Variants in HNF4G observed in about 807,000 individuals in gnomAD.
HNF4G encodes the protein hepatocyte nuclear factor 4 gamma.
A neutral mutation model predicts 50.9 loss-of-function variants in HNF4G; 21 were observed. The ratio of observed to expected loss-of-function variants is 0.41; its 90% CI spans 0.29 to 0.59. The LOEUF (loss-of-function observed/expected upper bound fraction) is 0.59. Among genes scored for constraint, HNF4G ranks in the 20% least tolerant of loss-of-function variants. The pLI, the probability that HNF4G is intolerant of heterozygous loss-of-function variation, is 0.26. For synonymous variants in HNF4G, 198 were observed against 185.6 expected (o/e 1.07, Z -0.54); for missense variants, 527 against 559.4 (o/e 0.94, Z 0.58).
In HNF4G at chr8:75,558,558, G is replaced by C. The variant is rs148814443; in HGVS notation, c.774G>C (p.Glu258Asp). The C allele has an allele frequency of 6.2e-7, 1 of 1,613,756 alleles. No homozygotes were observed. The highest frequency in any genetic ancestry group is 1.3e-5 in the African/African-American group (1 of 74,924). Residue 258 changes from glutamate (E) to aspartate (D), a missense_variant, in exon 7 of 10, where the codon GAG (glutamate) becomes GAC (aspartate). Glu to Asp is a conservative substitution (Grantham distance 45). Coordinates refer to ENST00000396423, the MANE Select transcript of HNF4G (RefSeq NM_004133.5). ...YVIHRNSCEV[E>D]ISRVANRVLD... ...TTCACCGCAACAGCTGTGAAGTTGAGATTAGCCGTGTGGCCAATCGTGTTC... is the reference window on the plus strand; with the variant it reads ...TTCACCGCAACAGCTGTGAAGTTGACATTAGCCGTGTGGCCAATCGTGTTC...
intron 1 of HNF4G, among the ~76,000 whole-genome samples, chr8:75,410,366 T>C (rs1162804657): frequency 1.3e-5 from 2 of 152,154 alleles, no homozygotes; most frequent in Non-Finnish European, 2.9e-5. Context: ...TGTTGAAAAA[T>C]TGATTCCTCA....
chr8:75,464,890 G>C (rs912490815), intron 1 of HNF4G, among the ~76,000 whole-genome samples: 1 of 152,164 alleles, frequency 6.6e-6, no homozygotes, highest in South Asian at 2.1e-4. Context: ...CACTAATGAA[G>C]TCCAAATAGG....
At chr8:75,520,954 T>C (rs1401781983) in intron 2 of HNF4G, among the ~76,000 whole-genome samples, 1 of 152,016 alleles carries the variant, frequency 6.6e-6, no homozygotes, top group Non-Finnish European at 1.5e-5. Flanking sequence ...GTATCTTTAA[T>C]TATTGTGTGA....
chr8:75,529,307 G>C (rs1021500690), intron 2 of HNF4G, among the ~76,000 whole-genome samples: 1 of 151,558 alleles, frequency 6.6e-6, no homozygotes, highest in African/African-American at 2.4e-5. Flanking sequence ...AAAAACCTCA[G>C]ATCTCGTGAG....
intron 2 of HNF4G, among the ~76,000 whole-genome samples, chr8:75,506,997 T>C (rs1247926824): frequency 2.0e-5 from 3 of 152,196 alleles, no homozygotes; most frequent in Admixed American, 6.5e-5. Flanking sequence ...AAAAATGTTA[T>C]AGGTTTACGA....
chr8:75,445,813 A>G (rs1360804621), intron 1 of HNF4G, among the ~76,000 whole-genome samples: 1 of 143,668 alleles, frequency 7.0e-6, no homozygotes, highest in Non-Finnish European at 1.5e-5. Flanking sequence ...AAAAGAGTTC[A>G]GGACCAGATG....
chr8:75,544,649 GGT>G (rs2130790155), intron 2 of HNF4G, among the ~76,000 whole-genome samples: 1 of 93,266 alleles, frequency 1.1e-5, no homozygotes, highest in African/African-American at 6.2e-5. Context: ...TGTTTTCTTG[GGT>G]TTTTTTTTTT....
chr8:75,442,744 T>C (rs1262528378), intron 1 of HNF4G, among the ~76,000 whole-genome samples: 1 of 152,238 alleles, frequency 6.6e-6, no homozygotes, highest in Non-Finnish European at 1.5e-5. Flanking sequence ...GGATCATTAT[T>C]TTATATTGAG....
chr8:75,560,725 C>A (rs1807286965), intron 9 of HNF4G, among the ~76,000 whole-genome samples: 1 of 152,088 alleles, frequency 6.6e-6, no homozygotes, highest in African/African-American at 2.4e-5. Context: ...ACAAGTAGTC[C>A]TTGCTTTGCA....
At chr8:75,533,947 G>A (rs901493200) in intron 2 of HNF4G, among the ~76,000 whole-genome samples, 3 of 151,838 alleles carry the variant, frequency 2.0e-5, no homozygotes, top group Admixed American at 1.3e-4. Flanking sequence ...AGATGCTAAA[G>A]TGTATGTTCA....
At chr8:75,429,079 G>C (rs1810949425) in intron 1 of HNF4G, among the ~76,000 whole-genome samples, 1 of 152,142 alleles carries the variant, frequency 6.6e-6, no homozygotes, top group South Asian at 2.1e-4. Flanking sequence ...TTTAGAAATG[G>C]CAAGTGTGCG....
intron 1 of HNF4G, among the ~76,000 whole-genome samples, chr8:75,460,694 A>G (rs1811820253): frequency 6.6e-6 from 1 of 152,204 alleles, no homozygotes; most frequent in Non-Finnish European, 1.5e-5. Flanking sequence ...AACTACACTC[A>G]TAAATTTATA....
intron 1 of HNF4G, among the ~76,000 whole-genome samples, chr8:75,452,674 G>C (rs953137805): frequency 1.1e-4 from 16 of 145,480 alleles, no homozygotes; most frequent in African/African-American, 4.0e-4. Flanking sequence ...AGACGAGATC[G>C]TGCCACTGCA....
At chr8:75,443,589 G>A (rs1372969845) in intron 1 of HNF4G, among the ~76,000 whole-genome samples, 1 of 152,068 alleles carries the variant, frequency 6.6e-6, no homozygotes, top group Non-Finnish European at 1.5e-5. Flanking sequence ...TTGAACTCCT[G>A]GGCTCAAATA....
At chr8:75,439,220 A>G (rs1811213353) in intron 1 of HNF4G, among the ~76,000 whole-genome samples, 1 of 152,072 alleles carries the variant, frequency 6.6e-6, no homozygotes, top group Non-Finnish European at 1.5e-5. Flanking sequence ...TAACTTTTAT[A>G]CAAAATTAAC....
rs1812728369 is a variant in HNF4G, at chr8:75,494,866, G to A, written c.-24+4658G>A. Among the ~76,000 whole-genome samples, 3 of 151,934 alleles carry A rather than the reference G, an allele frequency of 2.0e-5. No homozygotes were observed. The East Asian group carries it at 5.8e-4, about 29-fold the overall frequency. ...CAATAAACATCTCTACTTTAAAAAGGTAACAAAAACAGTGTTTATTTAAAT... is the reference window on the plus strand; with the variant it reads ...CAATAAACATCTCTACTTTAAAAAGATAACAAAAACAGTGTTTATTTAAAT... On this transcript the variant is annotated intron_variant, in intron 2 of 10. Coordinates refer to the HNF4G transcript ENST00000354370.
intron 2 of HNF4G, among the ~76,000 whole-genome samples, chr8:75,492,659 C>G (rs1012632805): frequency 1.3e-5 from 2 of 152,076 alleles, no homozygotes; most frequent in African/African-American, 4.8e-5. Flanking sequence ...AGAGAAGAAC[C>G]AAAGCCTAGA....
chr8:75,418,813 C>T (rs948460015), intron 1 of HNF4G, among the ~76,000 whole-genome samples: 1 of 150,976 alleles, frequency 6.6e-6, no homozygotes, highest in Admixed American at 6.6e-5. Flanking sequence ...CCGCAACCTC[C>T]GCCTCCCGGG....
chr8:75,457,992 T>C (rs1811761474), intron 1 of HNF4G, among the ~76,000 whole-genome samples: 1 of 152,054 alleles, frequency 6.6e-6, no homozygotes, highest in African/African-American at 2.4e-5. Context: ...TAATTTTTTG[T>C]AGAGGCAAAG....
Sources: gnomAD v4.1 joint callset for allele counts (sites outside exome capture counted in the v4.1 genomes callset) on GRCh38, gnomAD v4.1.1 for gene constraint, MANE v1.5 for transcripts, NCBI Gene and HGNC (gene_info 2026-07-23, HGNC 2026-07-21) for gene names.